Variants in WSCD1 observed in about 807,000 individuals in gnomAD.
WSCD1 encodes the protein sialate:O-sulfotransferase 1.
A neutral mutation model predicts 60.4 loss-of-function variants in WSCD1; 41 were observed. The observed-to-expected ratio is 0.68, with a 90% confidence interval of 0.53 to 0.88. The LOEUF (loss-of-function observed/expected upper bound fraction) is 0.88, where lower values mean the gene tolerates loss of function less well. WSCD1 is among the 40% of genes least tolerant of loss of function. The pLI is 0.00. For missense variants in WSCD1, 784 were observed against 796.2 expected (o/e 0.98, Z 0.18); for synonymous variants, 361 against 332.5 (o/e 1.09, Z -0.93).
rs1407152242 is a variant in WSCD1, at chr17:6,101,917, G to A, written c.849+6694G>A. Among the ~76,000 whole-genome samples the A allele has an allele frequency of 6.6e-6, 1 of 152,192 alleles. No homozygotes were observed. The highest frequency in any genetic ancestry group is 2.4e-5 in the African/African-American group (1 of 41,446). Reference sequence around the variant, plus strand: ...GTGCTCCGAAAGGAGGCTGATGAGCGAAATCTAACACCATCTGCAAATAGG... The same window carrying A: ...GTGCTCCGAAAGGAGGCTGATGAGCAAAATCTAACACCATCTGCAAATAGG... On this transcript the variant is annotated intron_variant, in intron 5 of 8. Transcript: ENST00000317744. This position sits in a 1 kb window ranked among gnomAD's most constrained non-coding sequence, Gnocchi z 4.1.
At position 6,077,762 on chromosome 17, in the gene WSCD1, T is replaced by C. The variant is rs150370186; in HGVS notation, c.-288-2609T>C. ...CCTTCAAAATTCCGAATTGTTGAAC[T>C]CCTGCCTGCCTTTCTGCTCCATCTC... On this transcript the variant is annotated intron_variant, in intron 1 of 8. Coordinates refer to ENST00000317744, the MANE Select transcript of WSCD1 (RefSeq NM_015253.2). 1.2e-3 allele frequency among the ~76,000 whole-genome samples: 178 copies of C among 152,372 alleles called. 3 individuals are homozygous for C. The East Asian group carries it at 0.029, about 25-fold the overall frequency.
Position 6,120,973 on chromosome 17 carries a change from A to C in WSCD1, c.*312A>C. On this transcript the variant is annotated 3_prime_UTR_variant, in exon 9 of 9. Coordinates refer to ENST00000317744, the MANE Select transcript of WSCD1 (RefSeq NM_015253.2). The stretch of plus-strand genomic sequence containing the variant: ...GGTGTGCCAGGCACCCCCAGATACA[A>C]ATGCAGCCACGCACAGACGTAACAC... 12 of 388,206 alleles carry C rather than the reference A, an allele frequency of 3.1e-5. No individual in the cohort carries two copies. Among genetic ancestry groups the C allele is most frequent in the East Asian group, 5.0e-5 (1 of 19,862 alleles). The allele number at this position is 388,206 out of a possible 1,614,324, so 24.0% of individuals were successfully genotyped here.
chr17:6,087,131 C>G (rs1027996701), intron 2 of WSCD1, among the ~76,000 whole-genome samples: 3 of 152,208 alleles, frequency 2.0e-5, no homozygotes, highest in Non-Finnish European at 2.9e-5. Context: ...CCATGCCGCT[C>G]CTTCAAAACA....
chr17:6,080,614 G>C lies in WSCD1; in HGVS notation c.-45G>C. ...TGGCCTCACTCCCACCTGGGCGCTA[G>C]GAGCCATCCCGGGGCTCCAGCCAGG... On this transcript the variant is annotated 5_prime_UTR_variant, in exon 2 of 9. An upstream open reading frame in the 5' UTR loses its in-frame stop. Transcript: ENST00000317744. This position sits in a 1 kb window ranked among gnomAD's most constrained non-coding sequence, Gnocchi z 6.6. The C allele has an allele frequency of 1.2e-6, 2 of 1,602,014 alleles. No homozygotes were observed. Among genetic ancestry groups the C allele is most frequent in the Non-Finnish European group, 1.7e-6 (2 of 1,176,078 alleles).
In WSCD1 at chr17:6,120,730, T is replaced by C. The variant is rs1459546736; in HGVS notation, c.*69T>C. On this transcript the variant is annotated 3_prime_UTR_variant, in exon 9 of 9. Transcript: ENST00000317744. ...CACCACGGGGCTGCGCTCCCCACTC[T>C]GATGCTCAGGCCCGTGGCCTCACTG... 2.7e-6 allele frequency: 4 copies of C among 1,502,576 alleles called. No individual in the cohort carries two copies. Among genetic ancestry groups the C allele is most frequent in the Non-Finnish European group, 3.6e-6 (4 of 1,111,648 alleles). The allele number at this position is 1,502,576 out of a possible 1,614,324, so 93.1% of individuals were successfully genotyped here.
intron 5 of WSCD1, among the ~76,000 whole-genome samples, chr17:6,097,492 G>T (rs930972936): frequency 6.6e-6 from 1 of 152,312 alleles, no homozygotes; most frequent in Admixed American, 6.5e-5. Context: ...CCGCCCTTCT[G>T]CACTGAACTC....
At chr17:6,102,069 C>T (rs1043765051) in intron 5 of WSCD1, among the ~76,000 whole-genome samples, 3 of 152,178 alleles carry the variant, frequency 2.0e-5, no homozygotes, top group African/African-American at 7.2e-5. Flanking sequence ...GTTGAGCTTT[C>T]TTTTTCCCCT....
intron 1 of WSCD1, among the ~76,000 whole-genome samples, chr17:6,076,413 C>T (rs1166044872): frequency 2.0e-5 from 3 of 152,142 alleles, no homozygotes; most frequent in African/African-American, 7.2e-5. Flanking sequence ...ATCCTGGGTG[C>T]ACTCCAGGGA....
At position 6,110,440 on chromosome 17, in the gene WSCD1, A is replaced by G. The variant is rs1403615979; in HGVS notation, c.1010-331A>G. 4.6e-5 allele frequency among the ~76,000 whole-genome samples: 7 copies of G among 152,108 alleles called. No homozygotes were observed. Among genetic ancestry groups the G allele is most frequent in the Non-Finnish European group, 8.8e-5 (6 of 68,026 alleles). On this transcript the variant is annotated intron_variant, in intron 6 of 8. Transcript: ENST00000317744. The surrounding 1 kb of genome is among the most constrained non-coding windows in gnomAD (Gnocchi z 4.8). ...GCCTCAATCCCCACCCACTTCCCCT[A>G]TTAGAATCTGGAATTATCTGTGCTA...
chr17:6,071,765 TG>T (rs1908557884), intron 1 of WSCD1, among the ~76,000 whole-genome samples: 1 of 152,226 alleles, frequency 6.6e-6, no homozygotes, highest in African/African-American at 2.4e-5. Context: ...CACCCACTCC[TG>T]GTGGCTGCAG....
intron 2 of WSCD1, among the ~76,000 whole-genome samples, chr17:6,081,580 G>A (rs1021863930): frequency 7.9e-5 from 12 of 151,864 alleles, no homozygotes; most frequent in African/African-American, 2.9e-4. Flanking sequence ...GTGTGGTGGC[G>A]CATACCTGTA....
intron 5 of WSCD1, among the ~76,000 whole-genome samples, chr17:6,107,026 C>T (rs1911124020): frequency 6.6e-6 from 1 of 152,142 alleles, no homozygotes; most frequent in Non-Finnish European, 1.5e-5. Flanking sequence ...TTTTCTCATT[C>T]TGGAAGCTGA....
chr17:6,081,554 T>C (rs1909274291), intron 2 of WSCD1, among the ~76,000 whole-genome samples: 1 of 151,680 alleles, frequency 6.6e-6, no homozygotes, highest in Non-Finnish European at 1.5e-5. Context: ...CTGCTAAAAA[T>C]ACAAAAATTA....
At position 6,070,471 on chromosome 17, in the gene WSCD1, C is replaced by G. The variant is rs1484129888; in HGVS notation, c.-470C>G. The G allele has an allele frequency of 6.8e-6, 1 of 147,174 alleles. No individual in the cohort carries two copies. Among genetic ancestry groups the G allele is most frequent in the African/African-American group, 2.4e-5 (1 of 40,892 alleles). 9.1% of individuals were successfully genotyped at this position (147,174 alleles called of 1,614,324 possible). ...CGTTCAGCCCGGACGCCAGCAGCCC[C>G]GGGGAGCCAGGCGGCGGCGCCCTGT... On this transcript the variant is annotated 5_prime_UTR_variant, in exon 1 of 9. Transcript: ENST00000317744.
chr17:6,112,361 A>G (rs1417358825), intron 7 of WSCD1, among the ~76,000 whole-genome samples: 1 of 152,228 alleles, frequency 6.6e-6, no homozygotes, highest in African/African-American at 2.4e-5. Context: ...CTAAATGAAG[A>G]AAGTGTTGAA....
chr17:6,112,591 A>T (rs1254037118), intron 7 of WSCD1, among the ~76,000 whole-genome samples: 1 of 152,220 alleles, frequency 6.6e-6, no homozygotes, highest in East Asian at 1.9e-4. Context: ...GAACCAATAA[A>T]TGAATTCAGT....
At chr17:6,079,111 C>T (rs531179298) in intron 1 of WSCD1, among the ~76,000 whole-genome samples, 1 of 152,340 alleles carries the variant, frequency 6.6e-6, no homozygotes, top group African/African-American at 2.4e-5. Context: ...TCGCCATTTA[C>T]TCAGAGAGGG....
intron 3 of WSCD1, among the ~76,000 whole-genome samples, chr17:6,089,854 C>A (rs76096139): frequency 7.7e-4 from 117 of 152,332 alleles, no homozygotes; most frequent in African/African-American, 2.7e-3. Context: ...ATTCGTTTAT[C>A]ACAAAGGAAA....
intron 2 of WSCD1, among the ~76,000 whole-genome samples, chr17:6,084,241 A>G (rs1909473879): frequency 6.6e-6 from 1 of 152,236 alleles, no homozygotes; most frequent in Admixed American, 6.5e-5. Flanking sequence ...GGACCGAAGG[A>G]AGAATTTGCT....
Sources: allele counts gnomAD v4.1 joint callset (sites outside exome capture counted in the v4.1 genomes callset), GRCh38; gene constraint gnomAD v4.1.1; non-coding constraint Gnocchi (gnomAD v3.1); transcripts MANE v1.5; gene names NCBI Gene and HGNC (gene_info 2026-07-23, HGNC 2026-07-21).